The following MALRD1 variants were observed in gnomAD, a reference collection of about 807,000 sequenced individuals.
MALRD1 encodes MAM and LDL-receptor class A domain-containing protein 1.
A neutral mutation model predicts 242.1 loss-of-function variants in MALRD1; 247 were observed. The observed-to-expected ratio is 1.02, with a 90% CI of 0.92 to 1.13. The LOEUF (loss-of-function observed/expected upper bound fraction) is 1.13, where lower values mean the gene tolerates loss of function less well. MALRD1 is among the 50% of genes most tolerant of loss of function. MALRD1 has a pLI of 0.00. For missense variants in MALRD1, 2,989 were observed against 2,533.1 expected, an observed-to-expected ratio of 1.18 and a Z score of -3.86; for synonymous variants, 995 against 866.6, an observed-to-expected ratio of 1.15 and a Z score of -2.60.
intron 26 of MALRD1, among the ~76,000 whole-genome samples, chr10:19,364,787 T>G (rs1845040164): frequency 6.6e-6 from 1 of 152,132 alleles, no homozygotes; most frequent in African/African-American, 2.4e-5. Flanking sequence ...GGCTGTACTC[T>G]ACTTATGTAA....
chr10:19,501,377 C>G (rs1041846574), intron 31 of MALRD1, among the ~76,000 whole-genome samples: 2 of 152,144 alleles, frequency 1.3e-5, no homozygotes, highest in African/African-American at 4.8e-5. Flanking sequence ...GAAATTGCCC[C>G]TGTTGAGAAC....
chr10:19,472,330 A>G (rs1242990705), intron 29 of MALRD1, among the ~76,000 whole-genome samples: 2 of 151,882 alleles, frequency 1.3e-5, no homozygotes, highest in Admixed American at 6.6e-5. Context: ...TTTTGCATGG[A>G]TGTTTATCAG....
chr10:19,587,243 G>T (rs770498499), intron 33 of MALRD1, among the ~76,000 whole-genome samples: 1 of 152,150 alleles, frequency 6.6e-6, no homozygotes, highest in Non-Finnish European at 1.5e-5. Flanking sequence ...GGCCATCTTG[G>T]CTCCTCCCCT....
intron 24 of MALRD1, among the ~76,000 whole-genome samples, chr10:19,340,840 A>G (rs1029600176): frequency 6.6e-6 from 1 of 152,132 alleles, no homozygotes; most frequent in African/African-American, 2.4e-5. Flanking sequence ...CTCTACTTAA[A>G]TTTTGGTCTA....
At chr10:19,544,793 G>GTTTT (rs1835137795) in intron 32 of MALRD1, among the ~76,000 whole-genome samples, 1 of 151,912 alleles carries the variant, frequency 6.6e-6, no homozygotes, top group Non-Finnish European at 1.5e-5. Context: ...AAATGACCAT[G>GTTTT]ACCTCTCTTC....
At chr10:19,321,043 C>T (rs1842895779) in intron 21 of MALRD1, among the ~76,000 whole-genome samples, 1 of 151,906 alleles carries the variant, frequency 6.6e-6, no homozygotes, top group Non-Finnish European at 1.5e-5. Flanking sequence ...CTGATAGTTT[C>T]TTTTGCTGAC....
At chr10:19,445,488 G>T (rs552802812) in intron 28 of MALRD1, among the ~76,000 whole-genome samples, 15 of 152,290 alleles carry the variant, frequency 9.8e-5, no homozygotes, top group Admixed American at 9.8e-4. Flanking sequence ...TACAGATGGG[G>T]TTTTGGTGTG....
intron 36 of MALRD1, among the ~76,000 whole-genome samples, chr10:19,640,090 A>G (rs1840315724): frequency 1.3e-5 from 2 of 151,828 alleles, no homozygotes; most frequent in African/African-American, 4.8e-5. Context: ...CTTCTTTTTT[A>G]ATTTTATTTT....
chr10:19,273,113 T>C (rs1278396530), intron 19 of MALRD1, among the ~76,000 whole-genome samples: 2 of 152,190 alleles, frequency 1.3e-5, no homozygotes, highest in Non-Finnish European at 2.9e-5. Context: ...CCACACTGTC[T>C]TCCACAATGG....
chr10:19,067,542 A>T (rs549777905), intron 2 of MALRD1, among the ~76,000 whole-genome samples: 1 of 152,148 alleles, frequency 6.6e-6, no homozygotes, highest in African/African-American at 2.4e-5. Flanking sequence ...ATTCAATTAA[A>T]TGTTAAAATA....
intron 28 of MALRD1, among the ~76,000 whole-genome samples, chr10:19,425,748 A>G (rs1024810937): frequency 6.6e-6 from 1 of 152,154 alleles, no homozygotes; most frequent in Non-Finnish European, 1.5e-5. Context: ...TTGATAGAAC[A>G]AATAGTTTTA....
intron 18 of MALRD1, among the ~76,000 whole-genome samples, chr10:19,236,147 G>T (rs951837147): frequency 6.6e-6 from 1 of 152,156 alleles, no homozygotes; most frequent in Non-Finnish European, 1.5e-5. Flanking sequence ...CCTTCCTAAA[G>T]ATATCTTCAA....
intron 34 of MALRD1, among the ~76,000 whole-genome samples, chr10:19,604,183 A>T (rs778411553): frequency 6.6e-6 from 1 of 152,094 alleles, no homozygotes; most frequent in Non-Finnish European, 1.5e-5. Context: ...TTAAAACACT[A>T]CTCCAGTGAA....
At chr10:19,095,941 T>A (rs10218990) in intron 4 of MALRD1, among the ~76,000 whole-genome samples, 2 of 151,880 alleles carry the variant, frequency 1.3e-5, no homozygotes, top group Non-Finnish European at 2.9e-5. Context: ...TTCTTGCAGA[T>A]ATTTAATAAG....
intron 4 of MALRD1, among the ~76,000 whole-genome samples, chr10:19,096,484 C>T (rs146240960): frequency 2.6e-5 from 4 of 152,290 alleles, no homozygotes; most frequent in African/African-American, 4.8e-5. Context: ...ACGACTCTCT[C>T]GGGATCCTTC....
Position 19,730,886 on chromosome 10 carries a change from C to T in MALRD1, c.6390+105C>T, listed in dbSNP as rs867197629. On this transcript the variant is annotated intron_variant, in intron 39 of 39. Transcript: ENST00000454679. ...GTGTTGCTTGATCATGTTTCTACATCATAACTAAAAGAAATGTTTTAGTGG... is the reference window on the plus strand; with the variant it reads ...GTGTTGCTTGATCATGTTTCTACATTATAACTAAAAGAAATGTTTTAGTGG... 7.6e-6 allele frequency: 8 copies of T among 1,054,648 alleles called. No homozygotes were observed. The Middle Eastern group carries it at 7.5e-4, about 99-fold the overall frequency. 65.3% of individuals were successfully genotyped at this position (1,054,648 alleles called of 1,614,324 possible).
intron 7 of MALRD1, 98 bp downstream of exon 7, chr10:19,124,768 C>T: frequency 3.1e-6 from 3 of 971,108 alleles, no homozygotes; most frequent in Non-Finnish European, 4.0e-6. Flanking sequence ...GGTGAATATA[C>T]TGAGTATATT....
chr10:19,234,001 GA>G (rs1354825754), intron 18 of MALRD1, among the ~76,000 whole-genome samples: 1 of 151,968 alleles, frequency 6.6e-6, no homozygotes, highest in African/African-American at 2.4e-5. Flanking sequence ...TGCTGTATAT[GA>G]AAAGCAAATG....
intron 14 of MALRD1, among the ~76,000 whole-genome samples, chr10:19,176,366 C>CTTGTTTTTTTTTTTTTTT (rs1835237160): frequency 1.1e-5 from 1 of 87,296 alleles, no homozygotes; most frequent in Non-Finnish European, 2.3e-5. Context: ...TTTCTGGGTG[C>CTTGTTTTTTTTTTTTTTT]TTTTTTTTTT....
Sources: gnomAD v4.1 joint callset for allele counts (sites outside exome capture counted in the v4.1 genomes callset) on GRCh38, gnomAD v4.1.1 for gene constraint, MANE v1.5 for transcripts, NCBI Gene and HGNC (gene_info 2026-07-23, HGNC 2026-07-21) for gene names.